RIBC1: variants seen among roughly 807,000 people sequenced by gnomAD.
The protein encoded by RIBC1 is RIB43A-like with coiled-coils protein 1.
Under a neutral mutation model 33.7 loss-of-function variants are expected in RIBC1, and 12 were observed. The ratio of observed to expected loss-of-function variants is 0.36; its 90% confidence interval spans 0.23 to 0.58. The LOEUF (loss-of-function observed/expected upper bound fraction) is 0.58. Among genes scored for constraint, RIBC1 ranks in the 20% least tolerant of loss-of-function variants. The pLI is 0.81. For synonymous variants in RIBC1, 89 were observed against 109.0 expected (o/e 0.82, Z 1.14); for missense variants, 242 against 311.6 (o/e 0.78, Z 1.68).
At position 53,426,354 on chromosome X, in the gene RIBC1, A is replaced by G. The variant is rs782516285; in HGVS notation, c.78A>G (p.Arg26=). The change falls in exon 3 of 8, where the codon CGA becomes CGG. Residue 26 remains arginine, a synonymous_variant. Transcript: ENST00000375327. The part of the protein sequence containing the change: ...IEARRNREKE[R]QNRFFNVRNR... The stretch of plus-strand genomic sequence containing the variant: ...CTAGAAGAAATCGAGAAAAAGAGCG[A>G]CAAAACCGATTCTTCAATGTGCGGA... 8.3e-7 allele frequency: 1 copy of G among 1,206,335 alleles called. No homozygotes were observed. Among genetic ancestry groups the G allele is most frequent in the East Asian group, 3.0e-5 (1 of 33,789 alleles).
At chrX:53,424,563 A>C (rs1418730392) in intron 2 of RIBC1, among the ~76,000 whole-genome samples, 5 of 108,829 alleles carry the variant, frequency 4.6e-5, no homozygotes, top group Non-Finnish European at 9.6e-5. Context: ...GGGTTTCACT[A>C]TGTTGGCCAG....
chrX:53,422,994 G>T lies in RIBC1; in HGVS notation c.-100G>T. Reference sequence around the variant, plus strand: ...TCACAGCAGGATTATGCCCCTCAGGGCAAGAGGAAGGTGGGAGCTCGGCTG... The same window carrying T: ...TCACAGCAGGATTATGCCCCTCAGGTCAAGAGGAAGGTGGGAGCTCGGCTG... On this transcript the variant is annotated 5_prime_UTR_variant, in exon 1 of 8. Coordinates refer to ENST00000375327, the MANE Select transcript of RIBC1 (RefSeq NM_001031745.5). 1 of 236,242 alleles carries T rather than the reference G, an allele frequency of 4.2e-6. No homozygotes were observed. Among genetic ancestry groups the T allele is most frequent in the South Asian group, 4.6e-5 (1 of 21,569 alleles). The allele number at this position is 236,242 out of a possible 1,213,427, so 19.5% of individuals were successfully genotyped here. A position where few individuals can be genotyped will look rare whatever the true frequency, so the allele number is the denominator to read the frequency against.
chrX:53,429,875 G>A lies in RIBC1; in HGVS notation c.566G>A (p.Arg189His), dbSNP rs2075813355. 9.2e-6 allele frequency: 11 copies of A among 1,196,205 alleles called. No homozygotes were observed. Among genetic ancestry groups the A allele is most frequent in the Non-Finnish European group, 1.2e-5 (11 of 886,106 alleles). ...NYTDALSNQLRLAMDAQATHL... is the reference protein window; with the variant it reads ...NYTDALSNQLHLAMDAQATHL... ...GTAGATGCGCTCAGTAACCAGCTGC[G>A]CCTCGCCATGGATGCACAGGCCACC... The change falls in exon 6 of 8, where the codon CGC becomes CAC. Residue 189 changes from arginine (R) to histidine (H), a missense_variant. By Grantham distance (29) the Arg-to-His change is conservative (BLOSUM62 0). Coordinates refer to ENST00000375327, the MANE Select transcript of RIBC1 (RefSeq NM_001031745.5).
intron 2 of RIBC1, among the ~76,000 whole-genome samples, chrX:53,424,392 T>C (rs1241261277): frequency 2.7e-5 from 3 of 109,962 alleles, no homozygotes; most frequent in African/African-American, 9.9e-5. Context: ...TGAGCCATGA[T>C]TGCACCACTA....
chrX:53,426,467 A>G (rs1878457287), intron 3 of RIBC1, 74 bp downstream of exon 3: 12 of 695,529 alleles, frequency 1.7e-5, no homozygotes, highest in Admixed American at 1.7e-4. Context: ...AATGTGTAAC[A>G]GTGCCCATGA....
intron 4 of RIBC1, 89 bp downstream of exon 4, chrX:53,428,173 G>A: frequency 8.3e-7 from 1 of 1,199,768 alleles, no homozygotes. Context: ...TGTGGCCTGA[G>A]GCCCTGGGGT....
chrX:53,428,162 CTG>C (rs2075801917), intron 4 of RIBC1, 78 bp downstream of exon 4: 2 of 1,199,099 alleles, frequency 1.7e-6, no homozygotes, highest in East Asian at 5.9e-5. Context: ...AGTTCTGCCT[CTG>C]TGGCCTGAGG....
rs1556894040 is a variant in RIBC1 at position 53,430,422 on chromosome X, C to T, written c.690C>T (p.Arg230=). 1.7e-6 allele frequency: 2 copies of T among 1,209,643 alleles called. No individual in the cohort carries two copies. The highest frequency in any genetic ancestry group is 2.2e-6 in the Non-Finnish European group (2 of 894,862). ...CAGCTGTGCAGGCTGGGCGTCAGCG[C>T]TGTGAGCGTCAGCGTGAACAGAAGG... The part of the protein sequence containing the change: ...AQAAVQAGRQ[R]CERQREQKAN... The change falls in exon 7 of 8, where the codon CGC becomes CGT. Residue 230 remains arginine (R), a synonymous_variant. Coordinates refer to ENST00000375327, the MANE Select transcript of RIBC1 (RefSeq NM_001031745.5).
intron 2 of RIBC1, 63 bp downstream of exon 2, chrX:53,423,465 C>T (rs1556892628): frequency 8.9e-6 from 1 of 112,329 alleles, no homozygotes; most frequent in African/African-American, 3.3e-5. Context: ...CTCCACCTAC[C>T]TCTGCCTCCA....
Position 53,426,343 on chromosome X carries a change from G to A in RIBC1, c.67G>A (p.Glu23Lys). 1 of 1,207,800 alleles carries A rather than the reference G, an allele frequency of 8.3e-7. No individual in the cohort carries two copies. Among genetic ancestry groups the A allele is most frequent in the East Asian group, 3.0e-5 (1 of 33,812 alleles). The change falls in exon 3 of 8, where the codon GAA becomes AAA. Residue 23 changes from glutamate to lysine, a missense_variant. Physicochemically the swap from Glu to Lys is moderately conservative, Grantham distance 56. Transcript: ENST00000375327. ...AAAIEARRNR[E>K]KERQNRFFNV... The stretch of plus-strand genomic sequence containing the variant: ...AGCCATCGAGGCTAGAAGAAATCGA[G>A]AAAAAGAGCGACAAAACCGATTCTT...
chrX:53,425,871 T>C (rs1556893069), intron 2 of RIBC1, among the ~76,000 whole-genome samples: 3 of 112,405 alleles, frequency 2.7e-5, no homozygotes. Flanking sequence ...GGTCAGATCA[T>C]GAAGAACCTT....
Position 53,428,378 on chromosome X carries a change from C to T in RIBC1, c.295C>T (p.Arg99Trp), listed in dbSNP as rs781908927. 19 of 1,209,773 alleles carry T rather than the reference C, an allele frequency of 1.6e-5. No homozygotes were observed. The highest frequency in any genetic ancestry group is 3.0e-5 in the East Asian group (1 of 33,775). Residue 99 changes from arginine (R) to tryptophan (W), a missense_variant, in exon 5 of 8, where the codon CGG (arginine) becomes TGG (tryptophan). Coordinates refer to ENST00000375327, the MANE Select transcript of RIBC1 (RefSeq NM_001031745.5). Reference sequence around the variant, plus strand: ...GCTGGCCAAGAAAGTCCAGGAGTTTCGGGAGCAGAAGCAGCAGCTCAAGAA... The same window carrying T: ...GCTGGCCAAGAAAGTCCAGGAGTTTTGGGAGCAGAAGCAGCAGCTCAAGAA... ...RQLAKKVQEFREQKQQLKNGR... is the reference protein window; with the variant it reads ...RQLAKKVQEFWEQKQQLKNGR...
intron 3 of RIBC1, among the ~76,000 whole-genome samples, chrX:53,427,240 G>A (rs782418265): frequency 4.5e-4 from 51 of 112,388 alleles, no homozygotes; most frequent in Non-Finnish European, 8.1e-4. Context: ...TTTAAGGCCA[G>A]GTCTGCTGAC....
In RIBC1 at chrX:53,426,356, A is replaced by G; in HGVS notation, c.80A>G (p.Gln27Arg). 8.3e-7 allele frequency: 1 copy of G among 1,206,333 alleles called. No homozygotes were observed. Among genetic ancestry groups the G allele is most frequent in the Non-Finnish European group, 1.1e-6 (1 of 891,724 alleles). ...EARRNREKER[Q>R]NRFFNVRNRV... ...AGAAGAAATCGAGAAAAAGAGCGAC[A>G]AAACCGATTCTTCAATGTGCGGAAC... The change falls in exon 3 of 8, where the codon CAA (glutamine) becomes CGA (arginine). Residue 27 changes from glutamine to arginine, a missense_variant. Gln to Arg is a conservative substitution (Grantham distance 43). Coordinates refer to ENST00000375327, the MANE Select transcript of RIBC1 (RefSeq NM_001031745.5).
chrX:53,425,119 A>G (rs1259175764), intron 2 of RIBC1, among the ~76,000 whole-genome samples: 1 of 111,990 alleles, frequency 8.9e-6, no homozygotes, highest in African/African-American at 3.2e-5. Flanking sequence ...AGATCCAAAT[A>G]GCTATAGGAG....
At chrX:53,427,446 G>A (rs1344694509) in intron 3 of RIBC1, among the ~76,000 whole-genome samples, 2 of 112,549 alleles carry the variant, frequency 1.8e-5, no homozygotes, top group Non-Finnish European at 3.7e-5. Context: ...AAGCTGACAA[G>A]CATTTCCTCG....
intron 5 of RIBC1, chrX:53,429,632 T>C: frequency 1.0e-6 from 1 of 984,484 alleles, no homozygotes; most frequent in Non-Finnish European, 1.3e-6. Context: ...GCAGCAGAAC[T>C]GACATTGGGA....
Position 53,428,538 on chromosome X carries a change from G to A in RIBC1, c.455G>A (p.Arg152Gln), listed in dbSNP as rs782393085. The stretch of plus-strand genomic sequence containing the variant: ...GGGGAAGACCTAGACAGGGACACAC[G>A]GCTGAGAATGCAGCAGGGGCAGTTC... Reference protein sequence around the residue: ...FSGEDLDRDTRLRMQQGQFRY... With the variant: ...FSGEDLDRDTQLRMQQGQFRY... Residue 152 changes from arginine to glutamine, a missense_variant, in exon 5 of 8, where the codon CGG becomes CAG. Coordinates refer to ENST00000375327, the MANE Select transcript of RIBC1 (RefSeq NM_001031745.5). 5.0e-6 allele frequency: 6 copies of A among 1,209,820 alleles called. No homozygotes were observed. The East Asian group carries it at 1.2e-4, about 24-fold the overall frequency.
At chrX:53,427,763 A>G (rs1340589101) in intron 3 of RIBC1, among the ~76,000 whole-genome samples, 1 of 112,223 alleles carries the variant, frequency 8.9e-6, no homozygotes, top group Non-Finnish European at 1.9e-5. Context: ...TAAGATATTC[A>G]GGGAACTGTA....
Sources: gnomAD v4.1 joint callset for allele counts (sites outside exome capture counted in the v4.1 genomes callset) on GRCh38, gnomAD v4.1.1 for gene constraint, MANE v1.5 for transcripts, NCBI Gene and HGNC (gene_info 2026-07-23, HGNC 2026-07-21) for gene names.